Variants in GRID1 observed in about 807,000 individuals in gnomAD.
GRID1 encodes the protein glutamate receptor ionotropic, delta-1.
GRID1 carries 28 observed loss-of-function variants against 98.0 expected under a neutral mutation model. That is an observed-to-expected ratio of 0.29 (90% CI 0.21 to 0.39). The LOEUF is 0.39. GRID1 is among the 10% of genes least tolerant of loss of function. The pLI, the probability that GRID1 is intolerant of heterozygous loss-of-function variation, is 1.00. For missense variants in GRID1, 1,111 were observed against 1,340.5 expected (o/e 0.83, Z 2.67); for synonymous variants, 553 against 538.5 (o/e 1.03, Z -0.37).
In GRID1 at chr10:85,865,942, T is replaced by TATATAC. The variant is rs1199144734; in HGVS notation, c.951+3067_951+3068insGTATAT. Among the ~76,000 whole-genome samples the TATATAC allele has an allele frequency of 2.2e-3, 207 of 94,872 alleles. 3 individuals are homozygous for TATATAC. In the East Asian group the frequency reaches 0.024, roughly 11 times the overall value. The allele number at this position is 94,872 out of a possible 152,430, so 62.2% of individuals were successfully genotyped here. On this transcript the variant is annotated intron_variant, in intron 6 of 15. Coordinates refer to ENST00000327946, the MANE Select transcript of GRID1 (RefSeq NM_017551.3). The stretch of plus-strand genomic sequence containing the variant: ...ATATATATATATATATATATATATA[T>TATATAC]ACACATATATATGGAGAGAGAGAGA...
chr10:86,001,342 A>G (rs1359696350), intron 4 of GRID1, among the ~76,000 whole-genome samples: 1 of 147,870 alleles, frequency 6.8e-6, no homozygotes, highest in African/African-American at 2.5e-5. Flanking sequence ...ACAAAAAAAA[A>G]TGACACAAAC....
chr10:86,173,910 A>G (rs1045080215), intron 3 of GRID1, among the ~76,000 whole-genome samples: 1 of 150,588 alleles, frequency 6.6e-6, no homozygotes, highest in Non-Finnish European at 1.5e-5. Flanking sequence ...TGAACTCATC[A>G]TTTTTTTTTG....
chr10:85,993,872 G>A (rs551254941), intron 4 of GRID1, among the ~76,000 whole-genome samples: 18 of 150,792 alleles, frequency 1.2e-4, no homozygotes, highest in African/African-American at 3.4e-4. Context: ...ACCCCTTTCC[G>A]TCTCTGATGA....
intron 8 of GRID1, among the ~76,000 whole-genome samples, chr10:85,800,439 T>G (rs1324204001): frequency 6.6e-6 from 1 of 151,966 alleles, no homozygotes; most frequent in Admixed American, 6.6e-5. Flanking sequence ...GAGAAAAATT[T>G]TAAAGTACTT....
At chr10:86,285,417 A>G (rs982381948) in intron 2 of GRID1, among the ~76,000 whole-genome samples, 3 of 152,220 alleles carry the variant, frequency 2.0e-5, no homozygotes, top group Non-Finnish European at 2.9e-5. Context: ...AAGAGGATGC[A>G]GCCAGGGAGA....
chr10:86,055,682 G>A (rs975176698), intron 4 of GRID1, among the ~76,000 whole-genome samples: 8 of 152,202 alleles, frequency 5.3e-5, no homozygotes, highest in African/African-American at 1.9e-4. Context: ...GGCGGAGGTT[G>A]CAGTGAGCCG....
intron 5 of GRID1, among the ~76,000 whole-genome samples, chr10:85,902,795 G>A (rs10887535): frequency 0.045 from 6,795 of 152,040 alleles, 390 homozygotes; most frequent in African/African-American, 0.14. Flanking sequence ...CACCTTTCCC[G>A]GCATTCCCCT....
chr10:86,129,844 A>G (rs1156590223), intron 4 of GRID1, among the ~76,000 whole-genome samples: 2 of 152,198 alleles, frequency 1.3e-5, no homozygotes, highest in Non-Finnish European at 2.9e-5. Flanking sequence ...TCTTCCATCT[A>G]GAGGAGGAGT....
chr10:85,705,126 G>C (rs576692088), intron 12 of GRID1, among the ~76,000 whole-genome samples: 4 of 152,234 alleles, frequency 2.6e-5, no homozygotes, highest in Non-Finnish European at 5.9e-5. Context: ...GATCAGAGCA[G>C]AACTGAAGGA....
At chr10:85,760,932 G>A (rs59425697) in intron 8 of GRID1, among the ~76,000 whole-genome samples, 1 of 152,240 alleles carries the variant, frequency 6.6e-6, no homozygotes, top group Admixed American at 6.5e-5. Context: ...TCGTCAAAGT[G>A]GACAAATCTG....
intron 4 of GRID1, among the ~76,000 whole-genome samples, chr10:86,102,039 A>C (rs2131945487): frequency 6.6e-6 from 1 of 152,360 alleles, no homozygotes; most frequent in Middle Eastern, 3.4e-3. Flanking sequence ...CTGAGAACGA[A>C]TATTTCTTCT....
rs1289937987 is a variant in GRID1, at chr10:86,262,958, C to T, written c.236-56310G>A. 5.0e-5 allele frequency among the ~76,000 whole-genome samples: 7 copies of T among 140,284 alleles called. No homozygotes were observed. In the East Asian group the frequency reaches 1.0e-3, roughly 20 times the overall value. The allele number at this position is 140,284 out of a possible 152,430, so 92.0% of individuals were successfully genotyped here. On this transcript the variant is annotated intron_variant, in intron 2 of 15. Coordinates refer to ENST00000327946, the MANE Select transcript of GRID1 (RefSeq NM_017551.3). ...GCCCTCCCTCCCCCGAGAGCATAGG[C>T]TGCGTTTGTGGGAAACCAGGGCTCA...
intron 9 of GRID1, among the ~76,000 whole-genome samples, chr10:85,728,616 C>T (rs1162528654): frequency 6.6e-6 from 1 of 152,174 alleles, no homozygotes; most frequent in African/African-American, 2.4e-5. Flanking sequence ...CAAAGCCATG[C>T]CATGCTCACA....
At chr10:85,933,302 A>AAC (rs1297275881) in intron 4 of GRID1, among the ~76,000 whole-genome samples, 1 of 116,570 alleles carries the variant, frequency 8.6e-6, no homozygotes, top group African/African-American at 3.0e-5. Flanking sequence ...AAAAAAAAAA[A>AAC]AAAAAAAAAA....
At chr10:86,112,243 G>T (rs371685764) in intron 4 of GRID1, among the ~76,000 whole-genome samples, 1 of 152,152 alleles carries the variant, frequency 6.6e-6, no homozygotes, top group Non-Finnish European at 1.5e-5. Context: ...GATTCCTCAC[G>T]CCACATCTGC....
chr10:85,847,767 G>A (rs918822683), intron 8 of GRID1, among the ~76,000 whole-genome samples: 2 of 151,660 alleles, frequency 1.3e-5, no homozygotes, highest in African/African-American at 4.8e-5. Flanking sequence ...TGAGTAAACA[G>A]TATCTACTTT....
chr10:85,650,581 A>C (rs1386880401), intron 12 of GRID1, among the ~76,000 whole-genome samples: 1 of 152,210 alleles, frequency 6.6e-6, no homozygotes, highest in African/African-American at 2.4e-5. Context: ...GAAGTAAAGC[A>C]ACAGTGACCA....
chr10:85,869,805 A>C (rs1456541039), intron 5 of GRID1, among the ~76,000 whole-genome samples: 1 of 152,196 alleles, frequency 6.6e-6, no homozygotes, highest in Non-Finnish European at 1.5e-5. Flanking sequence ...GGATTATGCC[A>C]AGTTCCAGGG....
chr10:85,994,275 T>C lies in GRID1; in HGVS notation c.727-78036A>G, dbSNP rs577494196. Among the ~76,000 whole-genome samples, 4 of 152,360 alleles carry C rather than the reference T, an allele frequency of 2.6e-5. No homozygotes were observed. In the South Asian group the frequency reaches 8.3e-4, roughly 32 times the overall value. On this transcript the variant is annotated intron_variant, in intron 4 of 15. Coordinates refer to ENST00000327946, the MANE Select transcript of GRID1 (RefSeq NM_017551.3). ...TGACCCACAGCATGGCAGCCTGACCTGCCGGGTCTGCTGTGAGGATCCCAC... is the reference window on the plus strand; with the variant it reads ...TGACCCACAGCATGGCAGCCTGACCCGCCGGGTCTGCTGTGAGGATCCCAC...
Sources: gnomAD v4.1 joint callset for allele counts (sites outside exome capture counted in the v4.1 genomes callset) on GRCh38, gnomAD v4.1.1 for gene constraint, MANE v1.5 for transcripts, NCBI Gene and HGNC (gene_info 2026-07-23, HGNC 2026-07-21) for gene names.